Variants in ZXDC observed in about 807,000 individuals in gnomAD.
The protein encoded by ZXDC is ZXD family zinc finger C, also known as zinc finger protein ZXDC.
In ZXDC, 58 loss-of-function variants were observed where a neutral mutation model predicts 63.6. The ratio of observed to expected loss-of-function variants is 0.91; its 90% CI spans 0.74 to 1.13. The LOEUF (loss-of-function observed/expected upper bound fraction) is 1.13, where lower values mean the gene tolerates loss of function less well. Among genes scored for constraint, ZXDC ranks in the 50% most tolerant of loss-of-function variants. ZXDC has a pLI of 0.00. For missense variants in ZXDC, 1,133 were observed against 1,148.9 expected (o/e 0.99, Z 0.20); for synonymous variants, 561 against 496.1 (o/e 1.13, Z -1.74).
At chr3:126,474,225 C>T (rs1935091551) in intron 1 of ZXDC, among the ~76,000 whole-genome samples, 1 of 152,172 alleles carries the variant, frequency 6.6e-6, no homozygotes, top group East Asian at 1.9e-4. Context: ...CTACCACGCC[C>T]GGCTAATTTT....
Position 126,466,209 on chromosome 3 carries a change from T to A in ZXDC, c.1387A>T (p.Thr463Ser). The change falls in exon 5 of 10, where the codon ACC (threonine) becomes TCC (serine). Residue 463 changes from threonine (T) to serine (S), a missense_variant. Coordinates refer to ENST00000389709, the MANE Select transcript of ZXDC (RefSeq NM_025112.5). ...CPVSTCNRLF[T>S]SKHSMKAHMV... ...TGCGCCTTCATGCTGTGCTTGGAGG[T>A]GAAGAGTCTGTTGCAGGTAGAAACT... is the stretch of plus-strand genomic sequence containing the variant. The A allele has an allele frequency of 6.2e-7, 1 of 1,614,164 alleles. No individual in the cohort carries two copies. The highest frequency in any genetic ancestry group is 8.5e-7 in the Non-Finnish European group (1 of 1,180,050).
intron 7 of ZXDC, among the ~76,000 whole-genome samples, chr3:126,455,936 C>T (rs1307439126): frequency 6.6e-6 from 1 of 151,696 alleles, no homozygotes; most frequent in East Asian, 1.9e-4. Context: ...GGAGGCGGAG[C>T]TTGCAGTGAG....
chr3:126,457,170 A>G (rs567102467), intron 7 of ZXDC: 2 of 749,478 alleles, frequency 2.7e-6, no homozygotes, highest in Non-Finnish European at 3.3e-6. Context: ...TCACATTCAC[A>G]TCAAGTCTGC....
At chr3:126,470,167 A>G (rs1377079972) in intron 4 of ZXDC, among the ~76,000 whole-genome samples, 1 of 152,198 alleles carries the variant, frequency 6.6e-6, no homozygotes, top group African/African-American at 2.4e-5. Flanking sequence ...CCACTCTACT[A>G]TACCTTTTAA....
intron 5 of ZXDC, among the ~76,000 whole-genome samples, chr3:126,463,423 A>G (rs1257152621): frequency 6.6e-6 from 1 of 152,148 alleles, no homozygotes; most frequent in Admixed American, 6.5e-5. Context: ...TTCTGGTCAT[A>G]ATACTCTTTA....
chr3:126,444,016 T>C (rs62264700), intron 7 of ZXDC, among the ~76,000 whole-genome samples: 7,051 of 152,308 alleles, frequency 0.046, 227 homozygotes, highest in South Asian at 0.078. Context: ...GGTCAGCATC[T>C]ATTCTTGTCA....
At position 126,462,153 on chromosome 3, in the gene ZXDC, T is replaced by TTGGCCTGGGCTGCTGAG. The variant is rs1934579112; in HGVS notation, c.1492_1508dup (p.Gln503HisfsTer37). 1 of 1,612,528 alleles carries TTGGCCTGGGCTGCTGAG rather than the reference T, an allele frequency of 6.2e-7. No individual in the cohort carries two copies. Among genetic ancestry groups the TTGGCCTGGGCTGCTGAG allele is most frequent in the Non-Finnish European group, 8.5e-7 (1 of 1,180,008 alleles). On this transcript the variant is annotated frameshift_variant, in exon 6 of 10. Transcript: ENST00000389709. LOFTEE classifies it high-confidence loss of function. ...CAAGATCCATGTTAGTGAGCTCACT[T>TTGGCCTGGGCTGCTGAG]TGGCCTGGGCTGCTGAGTTCACTGC...
At chr3:126,471,132 G>C (rs1934965426) in intron 3 of ZXDC, 107 bp from the exon 4 acceptor site, 1 of 1,439,572 alleles carries the variant, frequency 6.9e-7, no homozygotes. Flanking sequence ...TTACAAAAAT[G>C]ATCAGTACAT....
At chr3:126,451,888 G>A (rs1192925747) in intron 7 of ZXDC, 2 of 984,852 alleles carry the variant, frequency 2.0e-6, no homozygotes, top group African/African-American at 1.7e-5. Flanking sequence ...CACCTCATAG[G>A]GTTTTTGTGA....
At chr3:126,472,964 G>A (rs1347750785) in intron 1 of ZXDC, among the ~76,000 whole-genome samples, 1 of 152,176 alleles carries the variant, frequency 6.6e-6, no homozygotes, top group Non-Finnish European at 1.5e-5. Flanking sequence ...CAACAGGGTG[G>A]AAAACATGAG....
intron 4 of ZXDC, among the ~76,000 whole-genome samples, chr3:126,468,478 C>A (rs1377860172): frequency 6.6e-6 from 1 of 152,178 alleles, no homozygotes; most frequent in African/African-American, 2.4e-5. Context: ...CTCCTCCCAC[C>A]AGCTCCAACT....
chr3:126,474,930 AGCCC>A (rs1304274067), intron 1 of ZXDC, 25 bp downstream of exon 1: 6 of 1,537,714 alleles, frequency 3.9e-6, no homozygotes, highest in Non-Finnish European at 5.3e-6. Flanking sequence ...AACACCGCGC[AGCCC>A]GCCCGCCCCC....
In ZXDC at chr3:126,461,673, C is replaced by T. The variant is rs746095204; in HGVS notation, c.1989G>A (p.Pro663=). The change falls in exon 6 of 10, where the codon CCG becomes CCA. Residue 663 remains proline (P), a synonymous_variant. Coordinates refer to ENST00000389709, the MANE Select transcript of ZXDC (RefSeq NM_025112.5). ...PELLAPIKVE[P]DSPSRPGAVG... ...CTGCTCCTGGGCGAGAAGGCGAGTC[C>T]GGCTCCACCTTGATTGGAGCCAGCA... The T allele has an allele frequency of 1.0e-4, 162 of 1,613,180 alleles. 1 individual carries two copies. In the Middle Eastern group the frequency reaches 1.2e-3, roughly 11 times the overall value.
At chr3:126,466,131 A>C (rs1934749992) in intron 5 of ZXDC, 24 bp downstream of exon 5, 2 of 1,599,922 alleles carry the variant, frequency 1.3e-6, no homozygotes, top group South Asian at 1.1e-5. Context: ...GCAGCTCCCC[A>C]TGGGGGCCGT....
At chr3:126,458,619 C>A (rs1478863751) in intron 7 of ZXDC, 1 of 985,186 alleles carries the variant, frequency 1.0e-6, no homozygotes, top group Non-Finnish European at 1.2e-6. Context: ...ATAGATAGTA[C>A]TCCAAAGCAA....
At chr3:126,466,368 A>T (rs1476169039) in intron 4 of ZXDC, 43 bp from the exon 5 acceptor site, 2 of 1,612,310 alleles carry the variant, frequency 1.2e-6, no homozygotes, top group Admixed American at 3.3e-5. Context: ...AAGGATCACC[A>T]AGGAACCAGG....
Position 126,466,194 on chromosome 3 carries a change from T to G in ZXDC, c.1402A>C (p.Met468Leu). ...CNRLFTSKHS[M>L]KAHMVRQHSR... ...TGCTGTCTGACCATGTGCGCCTTCA[T>G]GCTGTGCTTGGAGGTGAAGAGTCTG... is the stretch of plus-strand genomic sequence containing the variant. The change falls in exon 5 of 10, where the codon ATG (methionine) becomes CTG (leucine). Residue 468 changes from methionine to leucine, a missense_variant. By Grantham distance (15) the Met-to-Leu change is conservative. Coordinates refer to ENST00000389709, the MANE Select transcript of ZXDC (RefSeq NM_025112.5). 1 of 1,614,234 alleles carries G rather than the reference T, an allele frequency of 6.2e-7. No individual in the cohort carries two copies. Among genetic ancestry groups the G allele is most frequent in the Non-Finnish European group, 8.5e-7 (1 of 1,180,044 alleles).
At chr3:126,466,416 A>G (rs1934768542) in intron 4 of ZXDC, 91 bp from the exon 5 acceptor site, 21 of 1,477,078 alleles carry the variant, frequency 1.4e-5, no homozygotes, top group Non-Finnish European at 1.9e-5. Context: ...GAACCACCAG[A>G]CCTGCATTTT....
chr3:126,469,344 C>T (rs1397848295), intron 4 of ZXDC, among the ~76,000 whole-genome samples: 2 of 152,190 alleles, frequency 1.3e-5, no homozygotes, highest in Non-Finnish European at 2.9e-5. Flanking sequence ...CCCCTGCCCT[C>T]TGCGCATTAG....
Sources: allele counts gnomAD v4.1 joint callset (sites outside exome capture counted in the v4.1 genomes callset), GRCh38; gene constraint gnomAD v4.1.1; transcripts MANE v1.5; gene names NCBI Gene and HGNC (gene_info 2026-07-23, HGNC 2026-07-21).